TRMU: variants seen among roughly 807,000 people sequenced by gnomAD.
TRMU encodes mitochondrial tRNA-specific 2-thiouridylase 1.
A neutral mutation model predicts 46.9 loss-of-function variants in TRMU; 49 were observed. The ratio of observed to expected loss-of-function variants is 1.05; its 90% CI spans 0.83 to 1.33. The LOEUF (loss-of-function observed/expected upper bound fraction) is 1.33, where lower values mean the gene tolerates loss of function less well. TRMU is among the 40% of genes most tolerant of loss of function. TRMU has a pLI of 0.00. For missense variants in TRMU, 572 were observed against 532.4 expected (o/e 1.07, Z -0.73); for synonymous variants, 241 against 200.9 (o/e 1.20, Z -1.69).
At chr22:46,353,993 C>T (rs1054628947) in intron 8 of TRMU, 126 bp downstream of exon 8, 2 of 847,524 alleles carry the variant, frequency 2.4e-6, no homozygotes, top group Middle Eastern at 3.2e-4. Flanking sequence ...TAACTCTGTT[C>T]CTGTCCTTGG....
rs778354824 is a variant in TRMU, at chr22:46,356,025, G to T, written c.1054G>T (p.Val352Leu). ...CVLTLNQDGT[V>L]WVTAVQAVRA... ...GCTGACCCTCAATCAAGATGGCACC[G>T]TGTGGGTGACAGCTGTGCAGGCTGT... The change falls in exon 10 of 11, where the codon GTG becomes TTG. Residue 352 changes from valine to leucine, a missense_variant. By Grantham distance (32) the Val-to-Leu change is conservative. Coordinates refer to ENST00000645190, the MANE Select transcript of TRMU (RefSeq NM_018006.5). 48 of 1,613,998 alleles carry T rather than the reference G, an allele frequency of 3.0e-5. No individual in the cohort carries two copies. Among genetic ancestry groups the T allele is most frequent in the Non-Finnish European group, 4.0e-5 (47 of 1,180,000 alleles).
At chr22:46,354,091 C>T (rs2078521317) in intron 8 of TRMU, 3 of 501,488 alleles carry the variant, frequency 6.0e-6, no homozygotes, top group Non-Finnish European at 3.7e-6. Flanking sequence ...TCTTAATCAT[C>T]CCTGAACCCC....
rs2078506016 is a variant in TRMU at position 46,353,706 on chromosome 22, A to AG, written c.773-59dup. 6.0e-6 allele frequency: 9 copies of AG among 1,497,202 alleles called. No individual in the cohort carries two copies. In the Admixed American group the frequency reaches 1.5e-4, roughly 25 times the overall value. 92.7% of individuals were successfully genotyped at this position (1,497,202 alleles called of 1,614,324 possible). A position where few individuals can be genotyped will look rare whatever the true frequency, so the allele number is the denominator to read the frequency against. On this transcript the variant is annotated intron_variant, in intron 7 of 10. Coordinates refer to ENST00000645190, the MANE Select transcript of TRMU (RefSeq NM_018006.5). ...CCTCCCAGCATCTGCCTTCATGATG[A>AG]GGCGTGACATGTGGGCTGTAACTTG...
intron 1 of TRMU, among the ~76,000 whole-genome samples, chr22:46,337,320 A>G (rs1335678545): frequency 6.6e-6 from 1 of 152,244 alleles, no homozygotes; most frequent in African/African-American, 2.4e-5. Flanking sequence ...AAAATAGGTC[A>G]TAAACTAGGT....
chr22:46,342,244 TTAA>T lies in TRMU; in HGVS notation c.249-1013_249-1011del, dbSNP rs1448445254. Among the ~76,000 whole-genome samples, 1 of 152,232 alleles carries T rather than the reference TTAA, an allele frequency of 6.6e-6. No homozygotes were observed. The highest frequency in any genetic ancestry group is 1.5e-5 in the Non-Finnish European group (1 of 68,038). On this transcript the variant is annotated intron_variant, in intron 2 of 10. Transcript: ENST00000645190. The surrounding 1 kb of genome is among the most constrained non-coding windows in gnomAD (Gnocchi z 4.7). Reference sequence around the variant, plus strand: ...ATAACTTCCTCTTTGGGTTCAATTATTAATAATTTGCTGGAGTGGTTCACAGAA... The same window carrying T: ...ATAACTTCCTCTTTGGGTTCAATTATTAATTTGCTGGAGTGGTTCACAGAA...
chr22:46,346,310 C>T, intron 3 of TRMU, 112 bp from the exon 4 acceptor site: 2 of 1,362,136 alleles, frequency 1.5e-6, no homozygotes, highest in Non-Finnish European at 2.0e-6. Context: ...TTGTGCAGCC[C>T]CTCAGCCTAA....
chr22:46,336,092 G>C lies in TRMU; in HGVS notation c.82+246G>C. The C allele has an allele frequency of 7.3e-7, 1 of 1,371,680 alleles. No individual in the cohort carries two copies. Among genetic ancestry groups the C allele is most frequent in the East Asian group, 3.0e-5 (1 of 33,386 alleles). The allele number at this position is 1,371,680 out of a possible 1,614,324, so 85.0% of individuals were successfully genotyped here. A position where few individuals can be genotyped will look rare whatever the true frequency, so the allele number is the denominator to read the frequency against. ...CAGTTCCGCGCCCCTCTCCACCCAC[G>C]CGCGCCCACCCACAGTGAGAAGCCG... On this transcript the variant is annotated intron_variant, in intron 1 of 10. Transcript: ENST00000645190. The surrounding 1 kb of genome is among the most constrained non-coding windows in gnomAD (Gnocchi z 4.1).
intron 9 of TRMU, 39 bp downstream of exon 9, chr22:46,355,627 A>G (rs2078579807): frequency 6.2e-7 from 1 of 1,613,048 alleles, no homozygotes; most frequent in Admixed American, 1.7e-5. Flanking sequence ...GGCCCCTTGA[A>G]GCTGAGCTTC....
chr22:46,341,820 A>G (rs1462948862), intron 2 of TRMU, among the ~76,000 whole-genome samples: 3 of 152,194 alleles, frequency 2.0e-5, no homozygotes, highest in Non-Finnish European at 4.4e-5. Context: ...TAAGCACCCA[A>G]GAGTTTGCTA....
At chr22:46,352,658 A>G (rs1416130144) in intron 7 of TRMU, 2 of 425,690 alleles carry the variant, frequency 4.7e-6, no homozygotes, top group East Asian at 5.1e-5. Flanking sequence ...ATGTTAAACT[A>G]CACAAAACTC....
chr22:46,355,919 T>C (rs2078590671), intron 9 of TRMU, 71 bp from the exon 10 acceptor site: 2 of 1,569,452 alleles, frequency 1.3e-6, no homozygotes, highest in Admixed American at 3.4e-5. Flanking sequence ...TGGTGCTCCT[T>C]TCTCCCTGGG....
Position 46,349,137 on chromosome 22 carries a change from CAAA to C in TRMU, c.479-1140_479-1138del, listed in dbSNP as rs537257675. Among the ~76,000 whole-genome samples the C allele has an allele frequency of 2.6e-5, 3 of 117,040 alleles. No homozygotes were observed. Among genetic ancestry groups the C allele is most frequent in the Non-Finnish European group, 1.8e-5 (1 of 54,808 alleles). 76.8% of individuals were successfully genotyped at this position (117,040 alleles called of 152,430 possible). On this transcript the variant is annotated intron_variant, in intron 4 of 10. Transcript: ENST00000645190. This position sits in a 1 kb window ranked among gnomAD's most constrained non-coding sequence, Gnocchi z 4.6. ...TGGGCGACAGAGCGAGACTCCATCT[CAAA>C]AAAAAAAAAAAAAGTGGACTCTGGA...
Position 46,352,761 on chromosome 22 carries a change from A to C in TRMU, c.772+431A>C. 9.1e-6 allele frequency: 3 copies of C among 329,676 alleles called. No homozygotes were observed. The East Asian group carries it at 2.3e-4, about 25-fold the overall frequency. The allele number at this position is 329,676 out of a possible 1,614,324, so 20.4% of individuals were successfully genotyped here. ...ATGGGATCAGGCGTCCGCGCTGGCCAGAGTGCTGCTCGCTCATGTGCAGAC... is the reference window on the plus strand; with the variant it reads ...ATGGGATCAGGCGTCCGCGCTGGCCCGAGTGCTGCTCGCTCATGTGCAGAC... On this transcript the variant is annotated intron_variant, in intron 7 of 10. Coordinates refer to ENST00000645190, the MANE Select transcript of TRMU (RefSeq NM_018006.5).
Position 46,342,098 on chromosome 22 carries a change from G to A in TRMU, c.249-1164G>A, listed in dbSNP as rs940080685. Among the ~76,000 whole-genome samples, 4 of 152,182 alleles carry A rather than the reference G, an allele frequency of 2.6e-5. No individual in the cohort carries two copies. The highest frequency in any genetic ancestry group is 5.9e-5 in the Non-Finnish European group (4 of 68,036). On this transcript the variant is annotated intron_variant, in intron 2 of 10. Transcript: ENST00000645190. The surrounding 1 kb of genome is among the most constrained non-coding windows in gnomAD (Gnocchi z 4.7). ...ATTCAGTTCCGATACCATCTACTTG[G>A]AGATAGTGCTGGATCCCAAAGGTTG...
At position 46,356,961 on chromosome 22, in the gene TRMU, C is replaced by G; in HGVS notation, c.1221C>G (p.Pro407=). 5 of 1,613,584 alleles carry G rather than the reference C, an allele frequency of 3.1e-6. No individual in the cohort carries two copies. The highest frequency in any genetic ancestry group is 4.2e-6 in the Non-Finnish European group (5 of 1,180,026). The part of the protein sequence containing the change: ...QRRAGMATES[P]SDSPEDGPGL... ...GAGCTGGGATGGCCACTGAGAGCCC[C>G]AGTGACAGCCCAGAAGATGGTCCAG... The change falls in exon 11 of 11, where the codon CCC becomes CCG. Residue 407 remains proline, a synonymous_variant. Transcript: ENST00000645190.
In TRMU at chr22:46,346,504, G is replaced by GC; in HGVS notation, c.441dup (p.Glu148ArgfsTer9). 1 of 1,613,212 alleles carries GC rather than the reference G, an allele frequency of 6.2e-7. No individual in the cohort carries two copies. The highest frequency in any genetic ancestry group is 8.5e-7 in the Non-Finnish European group (1 of 1,179,386). On this transcript the variant is annotated frameshift_variant, in exon 4 of 11. Coordinates refer to ENST00000645190, the MANE Select transcript of TRMU (RefSeq NM_018006.5). LOFTEE classifies it high-confidence loss of function. ...TCTTTGAGCAGAAGCACGTTAAGAA[G>GC]CCCGAAGGGCTTTTCAGAAATCGGT...
intron 10 of TRMU, 170 bp from the exon 11 acceptor site, chr22:46,356,672 C>T (rs1602002126): frequency 3.9e-6 from 3 of 765,668 alleles, no homozygotes; most frequent in Non-Finnish European, 2.1e-6. Flanking sequence ...GTGCCCCAGG[C>T]CTCTCCTCTC....
At chr22:46,337,218 G>T (rs1265995748) in intron 1 of TRMU, among the ~76,000 whole-genome samples, 1 of 152,116 alleles carries the variant, frequency 6.6e-6, no homozygotes, top group South Asian at 2.1e-4. Flanking sequence ...CTCATACAGG[G>T]TCTGCACCTG....
Position 46,336,051 on chromosome 22 carries a change from T to A in TRMU, c.82+205T>A. ...AGTCGGAGGTGTGCGCGACTGCAGC[T>A]CCGACTACCTGGGAGCAGTTCCGCG... On this transcript the variant is annotated intron_variant, in intron 1 of 10. Coordinates refer to ENST00000645190, the MANE Select transcript of TRMU (RefSeq NM_018006.5). The surrounding 1 kb of genome is among the most constrained non-coding windows in gnomAD (Gnocchi z 4.1). 5 of 1,402,064 alleles carry A rather than the reference T, an allele frequency of 3.6e-6. No homozygotes were observed. Among genetic ancestry groups the A allele is most frequent in the South Asian group, 1.5e-5 (1 of 65,108 alleles). The allele number at this position is 1,402,064 out of a possible 1,614,324, so 86.9% of individuals were successfully genotyped here.
Sources: gnomAD v4.1 joint callset for allele counts (sites outside exome capture counted in the v4.1 genomes callset) on GRCh38, gnomAD v4.1.1 for gene constraint, Gnocchi (gnomAD v3.1) non-coding constraint, MANE v1.5 for transcripts, NCBI Gene and HGNC (gene_info 2026-07-23, HGNC 2026-07-21) for gene names.